Variants in PPP2R5A observed in about 807,000 individuals in gnomAD.
PPP2R5A encodes the protein protein phosphatase 2 regulatory subunit B'alpha, also known as serine/threonine-protein phosphatase 2A 56 kDa regulatory subunit alpha isoform.
A neutral mutation model predicts 64.2 loss-of-function variants in PPP2R5A; 25 were observed. The observed-to-expected ratio is 0.39, with a 90% confidence interval of 0.28 to 0.54. The LOEUF is 0.54. Among genes scored for constraint, PPP2R5A ranks in the 20% least tolerant of loss-of-function variants. PPP2R5A has a pLI of 0.67. For missense variants in PPP2R5A, 425 were observed against 576.3 expected (o/e 0.74, Z 2.69); for synonymous variants, 198 against 201.2 (o/e 0.98, Z 0.13).
intron 1 of PPP2R5A, among the ~76,000 whole-genome samples, chr1:212,323,856 G>T (rs1659358993): frequency 6.6e-6 from 1 of 152,014 alleles, no homozygotes; most frequent in African/African-American, 2.4e-5. Flanking sequence ...GGTGGATCAC[G>T]AGGTCAGGAG....
intron 1 of PPP2R5A, among the ~76,000 whole-genome samples, chr1:212,296,165 C>CT (rs1165729726): frequency 6.6e-6 from 1 of 151,718 alleles, no homozygotes; most frequent in Non-Finnish European, 1.5e-5. Context: ...CTCTCACGTG[C>CT]TTTAGCTTGG....
At chr1:212,304,917 G>A (rs1356552783) in intron 1 of PPP2R5A, among the ~76,000 whole-genome samples, 1 of 151,622 alleles carries the variant, frequency 6.6e-6, no homozygotes, top group African/African-American at 2.4e-5. Context: ...ATTGTTAGTA[G>A]AGATGGGGTT....
At chr1:212,340,309 C>T (rs1389937638) in intron 3 of PPP2R5A, among the ~76,000 whole-genome samples, 1 of 152,092 alleles carries the variant, frequency 6.6e-6, no homozygotes, top group Admixed American at 6.5e-5. Flanking sequence ...AGTGATACAG[C>T]CCTTTTCTAA....
At chr1:212,353,571 A>G (rs1659924808) in intron 8 of PPP2R5A, among the ~76,000 whole-genome samples, 1 of 152,158 alleles carries the variant, frequency 6.6e-6, no homozygotes, top group Admixed American at 6.5e-5. Flanking sequence ...ATTAAAATCC[A>G]TATATACATG....
intron 1 of PPP2R5A, among the ~76,000 whole-genome samples, chr1:212,288,905 G>A (rs1489667934): frequency 6.6e-6 from 1 of 152,226 alleles, no homozygotes; most frequent in Non-Finnish European, 1.5e-5. Flanking sequence ...CTGGAAAGGT[G>A]CCAACTAGTT....
At chr1:212,347,035 TA>T (rs1343647550) in intron 5 of PPP2R5A, among the ~76,000 whole-genome samples, 3 of 152,234 alleles carry the variant, frequency 2.0e-5, no homozygotes, top group Non-Finnish European at 4.4e-5. Flanking sequence ...TTTCTTATTT[TA>T]AAAAGTATTT....
intron 12 of PPP2R5A, among the ~76,000 whole-genome samples, chr1:212,360,334 C>T (rs1048650027): frequency 3.3e-5 from 5 of 152,114 alleles, no homozygotes; most frequent in Non-Finnish European, 7.4e-5. Context: ...AAGATGTTTA[C>T]GTGAGAAAAT....
At chr1:212,320,424 C>T (rs1313096293) in intron 1 of PPP2R5A, among the ~76,000 whole-genome samples, 1 of 152,194 alleles carries the variant, frequency 6.6e-6, no homozygotes, top group African/African-American at 2.4e-5. Context: ...ACAAAACCGC[C>T]ATTGTCATCA....
At chr1:212,343,430 C>T (rs1406369775) in intron 4 of PPP2R5A, among the ~76,000 whole-genome samples, 1 of 152,076 alleles carries the variant, frequency 6.6e-6, no homozygotes, top group East Asian at 1.9e-4. Flanking sequence ...TTTGTATGTG[C>T]CCTATGATAA....
In PPP2R5A at chr1:212,348,369, C is replaced by T. The variant is rs1190586114; in HGVS notation, c.765-20C>T. ...AAGTAGTAACTACTTAACCCTTCCC[C>T]TGCCTTTTTTTCCCTCCAGTATTAT... On this transcript the variant is annotated intron_variant, in intron 6 of 12. Transcript: ENST00000261461. 5.3e-6 allele frequency: 8 copies of T among 1,504,900 alleles called. No homozygotes were observed. Among genetic ancestry groups the T allele is most frequent in the Non-Finnish European group, 7.4e-6 (8 of 1,083,152 alleles). 93.2% of individuals were successfully genotyped at this position (1,504,900 alleles called of 1,614,324 possible).
chr1:212,356,579 A>C, intron 8 of PPP2R5A, 47 bp from the exon 9 acceptor site: 3 of 1,565,072 alleles, frequency 1.9e-6, no homozygotes, highest in Non-Finnish European at 2.6e-6. Context: ...CGCTGGGATT[A>C]ACTAGCTTTG....
intron 1 of PPP2R5A, chr1:212,309,378 C>T (rs946178737): frequency 1.3e-6 from 2 of 1,502,634 alleles, no homozygotes; most frequent in Non-Finnish European, 1.8e-6. Flanking sequence ...TCTTGGGCCG[C>T]CGGAAGGTGG....
At chr1:212,318,635 A>G (rs1318573777) in intron 1 of PPP2R5A, among the ~76,000 whole-genome samples, 1 of 152,214 alleles carries the variant, frequency 6.6e-6, no homozygotes, top group Non-Finnish European at 1.5e-5. Flanking sequence ...GGGAAGATCA[A>G]AATACAGTTG....
At chr1:212,337,412 T>A (rs1214131428) in intron 3 of PPP2R5A, among the ~76,000 whole-genome samples, 2 of 152,132 alleles carry the variant, frequency 1.3e-5, no homozygotes, top group African/African-American at 2.4e-5. Context: ...TAGACCTTTT[T>A]AGGAATAAGT....
chr1:212,356,481 T>C (rs1659979216), intron 8 of PPP2R5A, 145 bp from the exon 9 acceptor site: 2 of 715,234 alleles, frequency 2.8e-6, no homozygotes, highest in Non-Finnish European at 4.3e-6. Flanking sequence ...ATTCTAAAGC[T>C]GAGCAGAAAG....
chr1:212,317,555 A>G (rs983281304), intron 1 of PPP2R5A, among the ~76,000 whole-genome samples: 1 of 152,114 alleles, frequency 6.6e-6, no homozygotes, highest in African/African-American at 2.4e-5. Flanking sequence ...CTTCCATGAC[A>G]TAATATCCTT....
chr1:212,326,784 T>C (rs895078141), intron 1 of PPP2R5A, among the ~76,000 whole-genome samples: 2 of 152,240 alleles, frequency 1.3e-5, no homozygotes, highest in Admixed American at 1.3e-4. Context: ...TGTGGAGCTA[T>C]CTTATTTTAC....
intron 1 of PPP2R5A, among the ~76,000 whole-genome samples, chr1:212,295,521 T>C (rs780933629): frequency 2.0e-4 from 31 of 152,038 alleles, no homozygotes; most frequent in Admixed American, 3.3e-4. Flanking sequence ...TTTGGAGCAA[T>C]GGAAGTAGAA....
chr1:212,328,447 CAG>C (rs1177098703), intron 1 of PPP2R5A, among the ~76,000 whole-genome samples: 3 of 152,070 alleles, frequency 2.0e-5, no homozygotes, highest in Non-Finnish European at 4.4e-5. Context: ...CAGGGAACTA[CAG>C]AGAGTATGGT....
Sources: gnomAD v4.1 joint callset for allele counts (sites outside exome capture counted in the v4.1 genomes callset) on GRCh38, gnomAD v4.1.1 for gene constraint, MANE v1.5 for transcripts, NCBI Gene and HGNC (gene_info 2026-07-23, HGNC 2026-07-21) for gene names.